The following CHRM3 variants were observed in gnomAD, a reference collection of about 807,000 sequenced individuals.
The protein encoded by CHRM3 is muscarinic acetylcholine receptor M3.
Under a neutral mutation model 41.8 loss-of-function variants are expected in CHRM3, and 11 were observed. The observed-to-expected ratio is 0.26, with a 90% CI of 0.17 to 0.44. The LOEUF (loss-of-function observed/expected upper bound fraction) is 0.44. CHRM3 is among the 20% of genes least tolerant of loss of function. CHRM3 has a pLI of 1.00. For missense variants in CHRM3, 571 were observed against 745.4 expected (o/e 0.77, Z 2.72); for synonymous variants, 297 against 301.4 (o/e 0.99, Z 0.15).
chr1:239,558,788 A>T (rs1396092515), intron 3 of CHRM3, among the ~76,000 whole-genome samples: 2 of 152,332 alleles, frequency 1.3e-5, no homozygotes, highest in East Asian at 3.9e-4. Flanking sequence ...TGTAAGAATT[A>T]TGAGTCACCT....
At chr1:239,440,197 CAAAAAAAA>C (rs1281168939) in intron 1 of CHRM3, among the ~76,000 whole-genome samples, 1 of 62,316 alleles carries the variant, frequency 1.6e-5, no homozygotes, top group Non-Finnish European at 3.5e-5. Context: ...GACTCTGTCT[CAAAAAAAA>C]AAAAAAAAAG....
At chr1:239,548,858 G>A (rs1026143600) in intron 3 of CHRM3, among the ~76,000 whole-genome samples, 3 of 152,170 alleles carry the variant, frequency 2.0e-5, no homozygotes, top group Admixed American at 6.5e-5. Context: ...AAGGAAAAAA[G>A]CAAGGTTATG....
chr1:239,472,490 C>T (rs181665120), intron 1 of CHRM3, among the ~76,000 whole-genome samples: 19 of 152,204 alleles, frequency 1.2e-4, no homozygotes, highest in African/African-American at 4.3e-4. Flanking sequence ...AATTCTGTTC[C>T]GATGTGGCAA....
intron 3 of CHRM3, among the ~76,000 whole-genome samples, chr1:239,608,950 G>T (rs544400236): frequency 2.6e-5 from 4 of 151,982 alleles, no homozygotes; most frequent in Non-Finnish European, 5.9e-5. Flanking sequence ...ACACAGAGTT[G>T]ATTTATGGCT....
intron 2 of CHRM3, among the ~76,000 whole-genome samples, chr1:239,521,000 T>C (rs1366984400): frequency 6.6e-6 from 1 of 152,148 alleles, no homozygotes; most frequent in East Asian, 1.9e-4. Flanking sequence ...CAATATGAAC[T>C]TGAAGGAATC....
chr1:239,497,505 A>G (rs925227163), intron 2 of CHRM3, among the ~76,000 whole-genome samples: 3 of 152,232 alleles, frequency 2.0e-5, no homozygotes, highest in Admixed American at 1.3e-4. Context: ...TGGATGAAGT[A>G]GAAGTAGATC....
chr1:239,506,405 G>A (rs1668573948), intron 2 of CHRM3, among the ~76,000 whole-genome samples: 1 of 152,184 alleles, frequency 6.6e-6, no homozygotes, highest in Admixed American at 6.5e-5. Flanking sequence ...TACAGCTCAG[G>A]CTGTTATTTT....
At chr1:239,562,053 T>C (rs1309256289) in intron 3 of CHRM3, among the ~76,000 whole-genome samples, 1 of 152,124 alleles carries the variant, frequency 6.6e-6, no homozygotes, top group East Asian at 1.9e-4. Context: ...GTTTTGACGG[T>C]TCAGGATACA....
chr1:239,518,673 C>A (rs1669431541), intron 2 of CHRM3, among the ~76,000 whole-genome samples: 1 of 152,110 alleles, frequency 6.6e-6, no homozygotes, highest in Admixed American at 6.6e-5. Flanking sequence ...AATTTCAGGT[C>A]ATGATAGGAA....
At chr1:239,798,493 A>G (rs1254927253) in intron 5 of CHRM3, among the ~76,000 whole-genome samples, 6 of 152,184 alleles carry the variant, frequency 3.9e-5, no homozygotes, top group Non-Finnish European at 7.3e-5. Flanking sequence ...CCCCATGCAC[A>G]CAGCAGACAC....
At chr1:239,814,580 C>G (rs1170167309) in intron 5 of CHRM3, among the ~76,000 whole-genome samples, 3 of 152,104 alleles carry the variant, frequency 2.0e-5, no homozygotes, top group African/African-American at 7.2e-5. Context: ...AATGAGATTG[C>G]CTTTAATGCT....
chr1:239,451,529 C>T (rs1027713321), intron 1 of CHRM3, among the ~76,000 whole-genome samples: 14 of 152,116 alleles, frequency 9.2e-5, no homozygotes, highest in African/African-American at 2.7e-4. Context: ...ACTGGTGTAC[C>T]GGGGTAATAG....
intron 1 of CHRM3, among the ~76,000 whole-genome samples, chr1:239,411,302 C>T (rs898915311): frequency 2.0e-5 from 3 of 152,150 alleles, no homozygotes; most frequent in Non-Finnish European, 2.9e-5. Flanking sequence ...GATCTGTGCT[C>T]TTAAAGCATT....
intron 3 of CHRM3, among the ~76,000 whole-genome samples, chr1:239,555,160 A>G (rs1009294655): frequency 1.3e-5 from 2 of 152,116 alleles, no homozygotes; most frequent in Non-Finnish European, 2.9e-5. Context: ...ATGAGGGATG[A>G]TGGGGGCCAG....
chr1:239,904,082 G>A (rs1198208061), intron 6 of CHRM3, among the ~76,000 whole-genome samples: 1 of 152,160 alleles, frequency 6.6e-6, no homozygotes, highest in Non-Finnish European at 1.5e-5. Context: ...AAACCAGCAT[G>A]GCATAAGTCC....
At chr1:239,778,308 C>T (rs1374972140) in intron 5 of CHRM3, among the ~76,000 whole-genome samples, 2 of 152,056 alleles carry the variant, frequency 1.3e-5, no homozygotes, top group East Asian at 3.9e-4. Flanking sequence ...CAACCATTTC[C>T]AACTATTGAG....
At position 239,908,814 on chromosome 1, in the gene CHRM3, C is replaced by T; in HGVS notation, c.1363C>T (p.Pro455Ser). Residue 455 changes from proline to serine, a missense_variant, in exon 7 of 7, where the codon CCT becomes TCT. Pro to Ser is a moderately conservative substitution (Grantham distance 74). Transcript: ENST00000676153. The surrounding 1 kb of genome is among the most constrained non-coding windows in gnomAD (Gnocchi z 7.2). ...SSVGKSTATL[P>S]LSFKEATLAK... ...AGTGGGTAAGAGCACGGCCACTCTA[C>T]CTCTGTCCTTCAAGGAAGCCACTCT... 1 of 1,614,164 alleles carries T rather than the reference C, an allele frequency of 6.2e-7. No individual in the cohort carries two copies. Among genetic ancestry groups the T allele is most frequent in the South Asian group, 1.1e-5 (1 of 91,076 alleles).
chr1:239,425,612 C>A (rs1205674133), intron 1 of CHRM3, among the ~76,000 whole-genome samples: 1 of 152,086 alleles, frequency 6.6e-6, no homozygotes, highest in Non-Finnish European at 1.5e-5. Context: ...CCTCACTTAA[C>A]CAGAGACCCA....
chr1:239,502,820 C>G (rs1241249033), intron 2 of CHRM3, among the ~76,000 whole-genome samples: 4 of 152,108 alleles, frequency 2.6e-5, no homozygotes, highest in South Asian at 2.1e-4. Context: ...ACATGATCAT[C>G]TCAATAGTTG....
Sources: gnomAD v4.1 joint callset for allele counts (sites outside exome capture counted in the v4.1 genomes callset) on GRCh38, gnomAD v4.1.1 for gene constraint, Gnocchi (gnomAD v3.1) non-coding constraint, MANE v1.5 for transcripts, NCBI Gene and HGNC (gene_info 2026-07-23, HGNC 2026-07-21) for gene names.